The following NR2C2 variants were observed in gnomAD, a reference collection of about 807,000 sequenced individuals.
NR2C2 encodes nuclear receptor subfamily 2 group C member 2, also known as Nuclear hormone receptor TR4.
NR2C2 carries 6 observed loss-of-function variants against 62.9 expected under a neutral mutation model. That is an observed-to-expected ratio of 0.10 (90% confidence interval 0.05 to 0.19). The LOEUF (loss-of-function observed/expected upper bound fraction) is 0.19, where lower values mean the gene tolerates loss of function less well. NR2C2 is among the 10% of genes least tolerant of loss of function. NR2C2 has a pLI of 1.00. For missense variants in NR2C2, 479 were observed against 762.7 expected (o/e 0.63, Z 4.38); for synonymous variants, 272 against 273.8 (o/e 0.99, Z 0.07).
At chr3:15,019,399 C>G (rs1336668172) in intron 4 of NR2C2, among the ~76,000 whole-genome samples, 4 of 152,118 alleles carry the variant, frequency 2.6e-5, no homozygotes, top group African/African-American at 9.7e-5. Context: ...ACCACATGAT[C>G]CAGCAATCTC....
chr3:14,970,993 AATTT>A (rs1320191420), intron 1 of NR2C2, among the ~76,000 whole-genome samples: 2 of 152,248 alleles, frequency 1.3e-5, no homozygotes, highest in Non-Finnish European at 2.9e-5. Context: ...GAAATTCAAC[AATTT>A]ATTATAAGCT....
At chr3:14,979,276 CTATTAG>C (rs2125321483) in intron 1 of NR2C2, among the ~76,000 whole-genome samples, 1 of 152,252 alleles carries the variant, frequency 6.6e-6, no homozygotes, top group Admixed American at 6.5e-5. Flanking sequence ...GAAAGTATTA[CTATTAG>C]TAAACCAAAT....
intron 7 of NR2C2, among the ~76,000 whole-genome samples, chr3:15,024,742 C>T (rs1450709547): frequency 6.6e-6 from 1 of 152,152 alleles, no homozygotes; most frequent in East Asian, 1.9e-4. Context: ...GGGATTTTTT[C>T]CAGGCCAGGG....
chr3:14,986,540 T>A (rs2040518543), intron 1 of NR2C2, among the ~76,000 whole-genome samples: 1 of 152,198 alleles, frequency 6.6e-6, no homozygotes, highest in Admixed American at 6.5e-5. Context: ...TGTGGAAGTG[T>A]TGTGCCAAAA....
At chr3:15,003,541 T>A (rs1256323730) in intron 1 of NR2C2, among the ~76,000 whole-genome samples, 1 of 152,232 alleles carries the variant, frequency 6.6e-6, no homozygotes, top group Non-Finnish European at 1.5e-5. Context: ...TACAGGTGGC[T>A]TTGGAGACAG....
intron 1 of NR2C2, among the ~76,000 whole-genome samples, chr3:14,969,934 C>T (rs1559535304): frequency 6.6e-6 from 1 of 152,186 alleles, no homozygotes; most frequent in Non-Finnish European, 1.5e-5. Context: ...GCCGTGTCCT[C>T]AAGGAGGGAA....
intron 1 of NR2C2, among the ~76,000 whole-genome samples, chr3:14,949,183 G>C (rs1265996793): frequency 1.5e-5 from 2 of 133,250 alleles, no homozygotes; most frequent in South Asian, 5.3e-4. Context: ...GTTGGGGGCT[G>C]GGGGGTGAAT....
chr3:15,018,263 C>G (rs1241463885), intron 4 of NR2C2, among the ~76,000 whole-genome samples: 2 of 152,166 alleles, frequency 1.3e-5, no homozygotes, highest in Non-Finnish European at 1.5e-5. Context: ...TCCCAAAGTG[C>G]TGGGATTACA....
chr3:15,038,283 TAA>T, intron 12 of NR2C2, 146 bp downstream of exon 12: 1 of 778,408 alleles, frequency 1.3e-6, no homozygotes, highest in East Asian at 2.9e-5. Context: ...TTTTGCTAGA[TAA>T]ATACATAAAC....
intron 1 of NR2C2, among the ~76,000 whole-genome samples, chr3:14,960,224 A>C (rs1181727208): frequency 2.6e-5 from 4 of 152,246 alleles, no homozygotes; most frequent in Non-Finnish European, 5.9e-5. Context: ...TGTTCATCAA[A>C]AGACACCTTA....
At position 15,049,180 on chromosome 3, in the gene NR2C2, TTTATTAAA is replaced by T. The variant is rs2125129108; in HGVS notation, c.*6174_*6181del. ...CAGTGCATGAATTAGCTTTATGCAT[TTTATTAAA>T]TGCTGTTTCAATGTGGCATTATTGT... is the stretch of plus-strand genomic sequence containing the variant. On this transcript the variant is annotated 3_prime_UTR_variant, in exon 14 of 14. Transcript: ENST00000425241. 6.5e-6 allele frequency: 1 copy of T among 152,810 alleles called. No homozygotes were observed. Among genetic ancestry groups the T allele is most frequent in the East Asian group, 1.9e-4 (1 of 5,194 alleles). 9.5% of individuals were successfully genotyped at this position (152,810 alleles called of 1,614,324 possible).
intron 10 of NR2C2, 193 bp from the exon 11 acceptor site, chr3:15,034,477 A>T (rs564862150): frequency 2.0e-6 from 1 of 508,724 alleles, no homozygotes; most frequent in South Asian, 3.5e-5. Flanking sequence ...CATTAGAAGG[A>T]TTTTAGTTAA....
intron 2 of NR2C2, among the ~76,000 whole-genome samples, chr3:15,013,111 G>T (rs980731835): frequency 1.7e-4 from 26 of 152,172 alleles, no homozygotes; most frequent in African/African-American, 6.3e-4. Context: ...TAAGTTGAGT[G>T]TGTGTCAGCA....
rs2042540892 is a variant in NR2C2, at chr3:15,048,666, A to T, written c.*5658A>T. ...AATGACCATAGCATTCATGGACTCAAATGCTGCTGCCACACACAACTCAAG... is the reference window on the plus strand; with the variant it reads ...AATGACCATAGCATTCATGGACTCATATGCTGCTGCCACACACAACTCAAG... On this transcript the variant is annotated 3_prime_UTR_variant, in exon 14 of 14. Transcript: ENST00000425241. The T allele has an allele frequency of 6.6e-6, 1 of 152,650 alleles. No homozygotes were observed. The highest frequency in any genetic ancestry group is 1.5e-5 in the Non-Finnish European group (1 of 68,042). The allele number at this position is 152,650 out of a possible 1,614,324, so 9.5% of individuals were successfully genotyped here.
Position 15,044,820 on chromosome 3 carries a change from C to T in NR2C2, c.*1812C>T, listed in dbSNP as rs186799028. On this transcript the variant is annotated 3_prime_UTR_variant, in exon 14 of 14. Coordinates refer to ENST00000425241, the MANE Select transcript of NR2C2 (RefSeq NM_001291694.2). ...AAGCTGCTGCAGGCTCAAGGCAGAA[C>T]AGGATGCTTGATCCTGAAGGGTTAG... 6.6e-6 allele frequency: 1 copy of T among 152,366 alleles called. No homozygotes were observed. Among genetic ancestry groups the T allele is most frequent in the Admixed American group, 6.5e-5 (1 of 15,308 alleles). The allele number at this position is 152,366 out of a possible 1,614,324, so 9.4% of individuals were successfully genotyped here.
intron 8 of NR2C2, among the ~76,000 whole-genome samples, chr3:15,029,604 A>C (rs778650165): frequency 6.6e-6 from 1 of 152,208 alleles, no homozygotes; most frequent in Non-Finnish European, 1.5e-5. Flanking sequence ...CTGTAAGCTC[A>C]GCATTCACAT....
At chr3:14,967,548 C>T (rs997102392) in intron 1 of NR2C2, among the ~76,000 whole-genome samples, 1 of 151,656 alleles carries the variant, frequency 6.6e-6, no homozygotes, top group Admixed American at 6.6e-5. Flanking sequence ...CAATGTGGTT[C>T]ATTTTTTTTT....
intron 11 of NR2C2, 118 bp downstream of exon 11, chr3:15,034,927 G>A: frequency 2.9e-6 from 3 of 1,047,598 alleles, no homozygotes; most frequent in Non-Finnish European, 4.0e-6. Flanking sequence ...ACCCAGGCTG[G>A]CAACATAGCA....
At chr3:15,035,163 T>TCTGCCACCAGGTG (rs2042074257) in intron 11 of NR2C2, among the ~76,000 whole-genome samples, 1 of 152,156 alleles carries the variant, frequency 6.6e-6, no homozygotes, top group South Asian at 2.1e-4. Context: ...CCTGGTGGCA[T>TCTGCCACCAGGTG]CTGCCTGTAG....
Sources: gnomAD v4.1 joint callset for allele counts (sites outside exome capture counted in the v4.1 genomes callset) on GRCh38, gnomAD v4.1.1 for gene constraint, MANE v1.5 for transcripts, NCBI Gene and HGNC (gene_info 2026-07-23, HGNC 2026-07-21) for gene names.